Variants in TAS2R1 observed in about 807,000 individuals in gnomAD.
TAS2R1 encodes the protein taste receptor type 2 member 1.
For missense variants in TAS2R1, 370 were observed against 353.4 expected (o/e 1.05, Z -0.38); for synonymous variants, 141 against 134.2 (o/e 1.05, Z -0.35).
At chr5:9,681,948 T>TA (rs1741003110) in intron 1 of TAS2R1, among the ~76,000 whole-genome samples, 1 of 152,206 alleles carries the variant, frequency 6.6e-6, no homozygotes, top group Admixed American at 6.5e-5. Flanking sequence ...CTTAAGCCCT[T>TA]AGCACATGGT....
At chr5:9,747,070 G>A in the TAS2R1 span, among the ~76,000 whole-genome samples, 1 of 152,158 alleles carries the variant, frequency 6.6e-6, no homozygotes, top group Non-Finnish European at 1.5e-5. Flanking sequence ...TGACTAGATA[G>A]AATAAAAACC....
At chr5:9,883,615 T>A in the TAS2R1 span, among the ~76,000 whole-genome samples, 2 of 152,144 alleles carry the variant, frequency 1.3e-5, no homozygotes, top group Non-Finnish European at 2.9e-5. Context: ...ATTGATTTTA[T>A]CAGTTAGCTA....
At chr5:9,809,970 C>T in the TAS2R1 span, among the ~76,000 whole-genome samples, 1 of 152,182 alleles carries the variant, frequency 6.6e-6, no homozygotes, top group Admixed American at 6.5e-5. Context: ...TGATTGTGGT[C>T]ATCAACTTTA....
chr5:9,752,251 T>A, the TAS2R1 span, among the ~76,000 whole-genome samples: 1 of 152,198 alleles, frequency 6.6e-6, no homozygotes, highest in African/African-American at 2.4e-5. Context: ...CAGATTCTTA[T>A]AAGAACTTGT....
the TAS2R1 span, among the ~76,000 whole-genome samples, chr5:9,718,139 T>C: frequency 7.2e-5 from 11 of 151,732 alleles, no homozygotes; most frequent in South Asian, 2.1e-3. Flanking sequence ...TTTTTTTTTT[T>C]TTTGTATTTT....
the TAS2R1 span, among the ~76,000 whole-genome samples, chr5:9,848,034 G>A: frequency 3.9e-5 from 6 of 152,196 alleles, no homozygotes; most frequent in South Asian, 2.1e-4. Flanking sequence ...ACTCCCTCCA[G>A]GTGATTCTGA....
the TAS2R1 span, among the ~76,000 whole-genome samples, chr5:9,737,257 A>G: frequency 3.3e-5 from 5 of 152,096 alleles, no homozygotes; most frequent in African/African-American, 4.8e-5. Context: ...CCCATTCACA[A>G]TGGGGGTGTT....
the TAS2R1 span, among the ~76,000 whole-genome samples, chr5:9,863,746 T>C: frequency 6.6e-6 from 1 of 152,220 alleles, no homozygotes; most frequent in African/African-American, 2.4e-5. Context: ...AAAAGTGTCT[T>C]TGAAGAGGAT....
chr5:9,697,882 G>A (rs1741395134), intron 1 of TAS2R1, among the ~76,000 whole-genome samples: 2 of 151,722 alleles, frequency 1.3e-5, no homozygotes, highest in Non-Finnish European at 2.9e-5. Context: ...ACAGTAAGAT[G>A]TGGAAATAAA....
At chr5:9,729,329 T>C in the TAS2R1 span, among the ~76,000 whole-genome samples, 1 of 144,642 alleles carries the variant, frequency 6.9e-6, no homozygotes, top group Admixed American at 6.9e-5. Flanking sequence ...CTGTCCTGGG[T>C]CAGGCTGGTG....
chr5:9,750,316 C>A, the TAS2R1 span, among the ~76,000 whole-genome samples: 1 of 152,300 alleles, frequency 6.6e-6, no homozygotes, highest in South Asian at 2.1e-4. Context: ...GAGTACACCA[C>A]CATCCTGCTG....
the TAS2R1 span, among the ~76,000 whole-genome samples, chr5:9,894,935 C>T: frequency 6.6e-6 from 1 of 152,222 alleles, no homozygotes; most frequent in Non-Finnish European, 1.5e-5. Context: ...TAGCATTTCT[C>T]TAAAATTTAA....
At chr5:9,713,623 A>C (rs919231483), upstream of TAS2R1, among the ~76,000 whole-genome samples, 23 of 152,178 alleles carry the variant, frequency 1.5e-4, no homozygotes, top group African/African-American at 5.1e-4. Context: ...TTTCTGAGAA[A>C]TATATTTCAG....
chr5:9,886,331 ATTT>A, the TAS2R1 span, among the ~76,000 whole-genome samples: 2 of 98,098 alleles, frequency 2.0e-5, no homozygotes, highest in Non-Finnish European at 3.8e-5. Context: ...TGCGCCCAGC[ATTT>A]TTTTTTTTTT....
the TAS2R1 span, among the ~76,000 whole-genome samples, chr5:9,749,458 T>C: frequency 1.3e-5 from 2 of 152,222 alleles, no homozygotes; most frequent in East Asian, 3.8e-4. Context: ...ACAGCATCTG[T>C]ACATTTAAGG....
chr5:9,788,613 G>C, the TAS2R1 span, among the ~76,000 whole-genome samples: 1 of 152,062 alleles, frequency 6.6e-6, no homozygotes, highest in Admixed American at 6.6e-5. Context: ...AAATAAAAAA[G>C]GAGCAGATAG....
chr5:9,711,145 C>T, intron 1 of TAS2R1, among the ~76,000 whole-genome samples: 1 of 151,776 alleles, frequency 6.6e-6, no homozygotes, highest in Non-Finnish European at 1.5e-5. Flanking sequence ...AAGCGGAATC[C>T]AGCAATCCCA....
the TAS2R1 span, among the ~76,000 whole-genome samples, chr5:9,808,646 T>C: frequency 3.9e-5 from 6 of 152,086 alleles, no homozygotes; most frequent in South Asian, 1.2e-3. Context: ...CTTTGACAAG[T>C]AGTATGAAAA....
At chr5:9,671,071 G>A (rs1020385652) in intron 1 of TAS2R1, among the ~76,000 whole-genome samples, 1 of 152,120 alleles carries the variant, frequency 6.6e-6, no homozygotes, top group African/African-American at 2.4e-5. Flanking sequence ...TGTAGAAAAG[G>A]CTTTTGATAA....
Sources: allele counts gnomAD v4.1 joint callset (sites outside exome capture counted in the v4.1 genomes callset), GRCh38; gene constraint gnomAD v4.1.1; transcripts MANE v1.5; gene names NCBI Gene and HGNC (gene_info 2026-07-23, HGNC 2026-07-21).